Variants in ITCH observed in about 807,000 individuals in gnomAD.
ITCH encodes E3 ubiquitin-protein ligase Itchy homolog.
ITCH carries 28 observed loss-of-function variants against 126.8 expected under a neutral mutation model. That is an observed-to-expected ratio of 0.22 (90% CI 0.16 to 0.30). The LOEUF is 0.30. Among genes scored for constraint, ITCH ranks in the 10% least tolerant of loss-of-function variants. The probability of loss-of-function intolerance (pLI) is 1.00; values close to 1 mark genes in which losing one functional copy is unlikely to be tolerated. For synonymous variants in ITCH, 342 were observed against 340.0 expected (o/e 1.01, Z -0.06); for missense variants, 631 against 1,032.4 (o/e 0.61, Z 5.33).
chr20:34,404,973 GA>G lies in ITCH; in HGVS notation c.71-3670del, dbSNP rs568313409. Among the ~76,000 whole-genome samples, 3 of 151,012 alleles carry G rather than the reference GA, an allele frequency of 2.0e-5. No homozygotes were observed. The South Asian group carries it at 6.3e-4, about 32-fold the overall frequency. On this transcript the variant is annotated intron_variant, in intron 3 of 24. Coordinates refer to ENST00000374864, the MANE Select transcript of ITCH (RefSeq NM_031483.7). ...ACATGTCAAAAGCTTGTCTCTACCA[GA>G]AAAAAAATACAAAAATTTCCTGGAT...
At chr20:34,417,703 C>CTTTT (rs77967776) in intron 6 of ITCH, among the ~76,000 whole-genome samples, 18 of 109,274 alleles carry the variant, frequency 1.6e-4, no homozygotes, top group Admixed American at 3.5e-4. Context: ...CCTGGCCCAG[C>CTTTT]TTTTTTTTTT....
At chr20:34,378,725 AAG>A (rs1388950720) in intron 2 of ITCH, among the ~76,000 whole-genome samples, 4 of 152,268 alleles carry the variant, frequency 2.6e-5, no homozygotes, top group Admixed American at 2.6e-4. Context: ...CTGCAATTAA[AAG>A]AGATTTTTAG....
chr20:34,442,057 A>G, intron 9 of ITCH, 151 bp from the exon 10 acceptor site: 1 of 687,304 alleles, frequency 1.5e-6, no homozygotes. Context: ...TCTTCACTTT[A>G]TTCCTAAATT....
chr20:34,511,132 C>T lies in ITCH; in HGVS notation c.*3338C>T, dbSNP rs1173827959. Reference sequence around the variant, plus strand: ...ATTGTTGGTATCTCCAGCCCCCCTCCTTTTTTTGTTTTTCTTTTAGTTATT... The same window carrying T: ...ATTGTTGGTATCTCCAGCCCCCCTCTTTTTTTTGTTTTTCTTTTAGTTATT... On this transcript the variant is annotated 3_prime_UTR_variant, in exon 25 of 25. Transcript: ENST00000374864. The T allele has an allele frequency of 1.3e-5, 2 of 152,088 alleles. No homozygotes were observed. 9.4% of individuals were successfully genotyped at this position (152,088 alleles called of 1,614,324 possible). A position where few individuals can be genotyped will look rare whatever the true frequency, so the allele number is the denominator to read the frequency against.
At chr20:34,374,963 A>T (rs1470570105) in intron 2 of ITCH, among the ~76,000 whole-genome samples, 1 of 147,930 alleles carries the variant, frequency 6.8e-6, no homozygotes, top group Non-Finnish European at 1.5e-5. Flanking sequence ...CTGGTGTTGA[A>T]CTCCTGACCT....
chr20:34,486,665 T>TTTTATTTATTTTA (rs1989141394), intron 20 of ITCH, among the ~76,000 whole-genome samples: 1 of 149,104 alleles, frequency 6.7e-6, no homozygotes, highest in Admixed American at 6.7e-5. Flanking sequence ...ATTTTATTTA[T>TTTTATTTATTTTA]TTTATTTATT....
At chr20:34,503,111 C>A (rs76967724) in intron 23 of ITCH, among the ~76,000 whole-genome samples, 3 of 152,048 alleles carry the variant, frequency 2.0e-5, no homozygotes, top group Admixed American at 6.6e-5. Flanking sequence ...TTTTTTATAA[C>A]GTTTCCTATA....
intron 7 of ITCH, among the ~76,000 whole-genome samples, chr20:34,434,962 A>G (rs1336893420): frequency 6.6e-6 from 1 of 152,106 alleles, no homozygotes; most frequent in African/African-American, 2.4e-5. Context: ...ATTTTTTTCT[A>G]TCTTTTGCCT....
At position 34,507,818 on chromosome 20, in the gene ITCH, T is replaced by G. The variant is rs979042378; in HGVS notation, c.*24T>G. ...AACTTCTGAGAACTTGCACCATGAA[T>G]GGGCAAGAACTTATTTGCAATGTTT... On this transcript the variant is annotated 3_prime_UTR_variant, in exon 25 of 25. Coordinates refer to ENST00000374864, the MANE Select transcript of ITCH (RefSeq NM_031483.7). The G allele has an allele frequency of 1.3e-6, 2 of 1,533,000 alleles. No homozygotes were observed. Among genetic ancestry groups the G allele is most frequent in the Non-Finnish European group, 1.8e-6 (2 of 1,106,374 alleles). The allele number at this position is 1,533,000 out of a possible 1,614,324, so 95.0% of individuals were successfully genotyped here.
chr20:34,393,203 A>G (rs2038548279), intron 2 of ITCH, among the ~76,000 whole-genome samples: 1 of 152,162 alleles, frequency 6.6e-6, no homozygotes, highest in Admixed American at 6.5e-5. Context: ...ATTACTAACA[A>G]GCATTGACTT....
At chr20:34,368,693 C>T (rs1196844787) in intron 1 of ITCH, among the ~76,000 whole-genome samples, 3 of 152,162 alleles carry the variant, frequency 2.0e-5, no homozygotes, top group African/African-American at 4.8e-5. Flanking sequence ...AGTGTACTGT[C>T]CTTGAAAAAC....
chr20:34,392,894 C>T (rs1385111199), intron 2 of ITCH, among the ~76,000 whole-genome samples: 2 of 152,122 alleles, frequency 1.3e-5, no homozygotes, highest in Admixed American at 1.3e-4. Context: ...CGCTCCAGAA[C>T]ACCCCAGCTT....
At position 34,479,630 on chromosome 20, in the gene ITCH, A is replaced by G. The variant is rs774567222; in HGVS notation, c.1659A>G (p.Arg553=). The G allele has an allele frequency of 6.2e-6, 10 of 1,613,536 alleles. No individual in the cohort carries two copies. The highest frequency in any genetic ancestry group is 5.0e-5 in the Admixed American group (3 of 60,010). The change falls in exon 18 of 25, where the codon AGA becomes AGG. Residue 553 remains arginine, a splice_region_variant and synonymous_variant. Coordinates refer to ENST00000374864, the MANE Select transcript of ITCH (RefSeq NM_031483.7). ...EEGLDYGGVA[R]EWFFLLSHEV... is the part of the protein sequence containing the mutation. ...ATCGTAAATTTTCTTTTGATTTCAG[A>G]GAATGGTTCTTTCTTTTGTCACATG...
chr20:34,486,382 G>A (rs541304745), intron 20 of ITCH, among the ~76,000 whole-genome samples: 1 of 148,906 alleles, frequency 6.7e-6, no homozygotes, highest in South Asian at 2.1e-4. Context: ...CTGGAGTGCA[G>A]CGGTACAATC....
At chr20:34,384,898 G>T (rs1601771831) in intron 2 of ITCH, among the ~76,000 whole-genome samples, 1 of 152,000 alleles carries the variant, frequency 6.6e-6, no homozygotes, top group Admixed American at 6.6e-5. Flanking sequence ...TCCTGACCTC[G>T]TGATCCACCT....
intron 1 of ITCH, among the ~76,000 whole-genome samples, chr20:34,369,155 C>T (rs184401940): frequency 8.2e-4 from 124 of 152,094 alleles, no homozygotes; most frequent in African/African-American, 2.7e-3. Context: ...TGGTGAAACC[C>T]CATCTCTACT....
intron 2 of ITCH, among the ~76,000 whole-genome samples, chr20:34,372,182 G>A (rs2037658548): frequency 6.6e-6 from 1 of 150,406 alleles, no homozygotes; most frequent in Non-Finnish European, 1.5e-5. Flanking sequence ...GCGGGCGCCT[G>A]TAGTCCCAGC....
intron 14 of ITCH, among the ~76,000 whole-genome samples, chr20:34,465,414 A>G (rs1258572998): frequency 6.6e-6 from 1 of 151,920 alleles, no homozygotes; most frequent in Admixed American, 6.6e-5. Context: ...TTCTGAAAAA[A>G]AGAAGTCATT....
At chr20:34,366,768 T>G (rs1366023116) in intron 1 of ITCH, among the ~76,000 whole-genome samples, 1 of 152,014 alleles carries the variant, frequency 6.6e-6, no homozygotes, top group Non-Finnish European at 1.5e-5. Context: ...TGTGAGTACA[T>G]ATGTGTTTTA....
Sources: allele counts gnomAD v4.1 joint callset (sites outside exome capture counted in the v4.1 genomes callset), GRCh38; gene constraint gnomAD v4.1.1; transcripts MANE v1.5; gene names NCBI Gene and HGNC (gene_info 2026-07-23, HGNC 2026-07-21).